VDAC1: variants seen among roughly 807,000 people sequenced by gnomAD.
The protein encoded by VDAC1 is non-selective voltage-gated ion channel VDAC1.
VDAC1 carries 10 observed loss-of-function variants against 34.7 expected under a neutral mutation model. The ratio of observed to expected loss-of-function variants is 0.29; its 90% CI spans 0.18 to 0.49. The LOEUF is 0.49. Among genes scored for constraint, VDAC1 ranks in the 20% least tolerant of loss-of-function variants. The pLI, the probability that VDAC1 is intolerant of heterozygous loss-of-function variation, is 0.99. For missense variants in VDAC1, 230 were observed against 347.9 expected (o/e 0.66, Z 2.69); for synonymous variants, 130 against 136.0 (o/e 0.96, Z 0.30).
intron 1 of VDAC1, among the ~76,000 whole-genome samples, chr5:134,000,516 C>T (rs1375002413): frequency 1.3e-5 from 2 of 152,172 alleles, no homozygotes; most frequent in African/African-American, 4.8e-5. Flanking sequence ...TGACCTAAGG[C>T]ACCTCAAGTT....
At chr5:133,981,681 A>G (rs563063681) in intron 5 of VDAC1, among the ~76,000 whole-genome samples, 2 of 152,348 alleles carry the variant, frequency 1.3e-5, no homozygotes, top group East Asian at 3.9e-4. Flanking sequence ...AGCATCCCTT[A>G]GGAAGAGCAG....
the VDAC1 span, among the ~76,000 whole-genome samples, chr5:134,103,456 C>A: frequency 6.6e-6 from 1 of 152,022 alleles, no homozygotes; most frequent in African/African-American, 2.4e-5. Context: ...CAACTGACAC[C>A]GTTGTTTCTC....
chr5:134,012,454 A>G, the VDAC1 span, among the ~76,000 whole-genome samples: 1 of 152,234 alleles, frequency 6.6e-6, no homozygotes, highest in Admixed American at 6.5e-5. Context: ...CAAAATTGAT[A>G]TGTTGAAATC....
At chr5:133,980,689 ACCCC>A in intron 6 of VDAC1, 36 bp downstream of exon 6, 3 of 564,058 alleles carry the variant, frequency 5.3e-6, no homozygotes, top group Non-Finnish European at 1.0e-5. Flanking sequence ...ACATGCTCCA[ACCCC>A]ACCCCTCCCA....
chr5:134,080,259 C>T, the VDAC1 span, among the ~76,000 whole-genome samples: 1 of 152,246 alleles, frequency 6.6e-6, no homozygotes, highest in African/African-American at 2.4e-5. Context: ...TTTACTCCCA[C>T]AAAACAGACT....
At chr5:133,973,645 A>G in intron 8 of VDAC1, 146 bp downstream of exon 8, 1 of 673,754 alleles carries the variant, frequency 1.5e-6, no homozygotes, top group Non-Finnish European at 2.5e-6. Flanking sequence ...ACTCCTTTAT[A>G]AACATTTAAT....
chr5:133,980,975 T>C lies in VDAC1; in HGVS notation c.324-19A>G, dbSNP rs369410666. ...TTTTTTCCTGAAGGAAAATAAGTTA[T>C]ATTAAGATCAGAAGCTAACTCACCT... On this transcript the variant is annotated intron_variant, in intron 5 of 8. Transcript: ENST00000265333. The C allele has an allele frequency of 1.1e-5, 18 of 1,604,978 alleles. No individual in the cohort carries two copies. Among genetic ancestry groups the C allele is most frequent in the East Asian group, 2.2e-5 (1 of 44,842 alleles).
At chr5:134,073,811 G>A in the VDAC1 span, among the ~76,000 whole-genome samples, 1 of 138,448 alleles carries the variant, frequency 7.2e-6, no homozygotes, top group Admixed American at 6.8e-5. Flanking sequence ...ACTCAGACTT[G>A]TGTGTGTGTG....
the VDAC1 span, among the ~76,000 whole-genome samples, chr5:134,109,983 C>T: frequency 3.9e-5 from 6 of 152,292 alleles, no homozygotes; most frequent in East Asian, 1.9e-4. Context: ...CGTTTGCCTT[C>T]GCTGTCGCCA....
chr5:134,096,280 T>G, the VDAC1 span, among the ~76,000 whole-genome samples: 1 of 152,212 alleles, frequency 6.6e-6, no homozygotes, highest in Non-Finnish European at 1.5e-5. Context: ...GTTGCGCTCC[T>G]CTCTCCAGTG....
chr5:134,106,692 C>T, the VDAC1 span, among the ~76,000 whole-genome samples: 1 of 152,062 alleles, frequency 6.6e-6, no homozygotes, highest in African/African-American at 2.4e-5. Flanking sequence ...AGGCGTGAGC[C>T]ACCGCGCCTG....
chr5:134,005,695 G>A (rs960934275), upstream of VDAC1: 1 of 152,274 alleles, frequency 6.6e-6, no homozygotes, highest in African/African-American at 2.4e-5. Context: ...GTTAGTGTGT[G>A]TTGAGTGAAC....
the VDAC1 span, among the ~76,000 whole-genome samples, chr5:134,102,559 T>C: frequency 2.0e-5 from 3 of 151,814 alleles, no homozygotes; most frequent in East Asian, 5.8e-4. Flanking sequence ...TCCCAGCTAC[T>C]CGGGAGGCTG....
At chr5:134,006,123 G>C (rs1178987613), upstream of VDAC1, among the ~76,000 whole-genome samples, 1 of 152,182 alleles carries the variant, frequency 6.6e-6, no homozygotes, top group Admixed American at 6.5e-5. Flanking sequence ...CCTAGGCCCT[G>C]TGTAGGGGCT....
At chr5:133,974,725 G>A (rs1561579908) in intron 7 of VDAC1, among the ~76,000 whole-genome samples, 1 of 152,196 alleles carries the variant, frequency 6.6e-6, no homozygotes, top group Non-Finnish European at 1.5e-5. Context: ...GGCCGAGGCA[G>A]GCAGATCACC....
the VDAC1 span, among the ~76,000 whole-genome samples, chr5:134,043,396 C>T: frequency 6.6e-6 from 1 of 152,184 alleles, no homozygotes; most frequent in Non-Finnish European, 1.5e-5. Context: ...CGCTGGGCCA[C>T]ACCCCTCCCA....
At chr5:134,010,636 A>C in the VDAC1 span, among the ~76,000 whole-genome samples, 1 of 152,090 alleles carries the variant, frequency 6.6e-6, no homozygotes, top group South Asian at 2.1e-4. Context: ...CTGTGGGGAA[A>C]TATTTCTGTT....
At chr5:133,981,029 T>A in intron 5 of VDAC1, 73 bp from the exon 6 acceptor site, 4 of 1,352,616 alleles carry the variant, frequency 3.0e-6, no homozygotes, top group Non-Finnish European at 3.1e-6. Flanking sequence ...TTTTTTTTTT[T>A]TAATCCCAGG....
intron 1 of VDAC1, among the ~76,000 whole-genome samples, chr5:133,996,532 C>T (rs924365792): frequency 3.9e-5 from 6 of 152,046 alleles, no homozygotes; most frequent in Admixed American, 6.6e-5. Context: ...ATGGCAATGA[C>T]AGCTGCTGTG....
Sources: gnomAD v4.1 joint callset for allele counts (sites outside exome capture counted in the v4.1 genomes callset) on GRCh38, gnomAD v4.1.1 for gene constraint, MANE v1.5 for transcripts, NCBI Gene and HGNC (gene_info 2026-07-23, HGNC 2026-07-21) for gene names.